Variants in ADGRL3 observed in about 807,000 individuals in gnomAD.
ADGRL3 encodes calcium-independent alpha-latrotoxin receptor 3.
ADGRL3 carries 62 observed loss-of-function variants against 153.5 expected under a neutral mutation model. That is an observed-to-expected ratio of 0.40 (90% CI 0.33 to 0.50). The LOEUF is 0.50. ADGRL3 is among the 20% of genes least tolerant of loss of function. The probability of loss-of-function intolerance (pLI) is 0.47; values close to 1 mark genes in which losing one functional copy is unlikely to be tolerated. For synonymous variants in ADGRL3, 710 were observed against 672.5 expected (o/e 1.06, Z -0.86); for missense variants, 1,641 against 1,859.4 (o/e 0.88, Z 2.16).
chr4:61,646,064 C>A lies in ADGRL3; in HGVS notation c.474-30762C>A, dbSNP rs556227903. On this transcript the variant is annotated intron_variant, in intron 5 of 26. Transcript: ENST00000683033. ...TCTTCCATCGCTGATACCCTTTCTC[C>A]AGTTGATGGCATCGGCTCCTGAGGC... is the stretch of plus-strand genomic sequence containing the variant. 2.1e-4 allele frequency among the ~76,000 whole-genome samples: 32 copies of A among 152,280 alleles called. 1 individual carries two copies. The South Asian group carries it at 6.2e-3, about 30-fold the overall frequency.
intron 1 of ADGRL3, among the ~76,000 whole-genome samples, chr4:61,277,506 G>T (rs1283436747): frequency 6.6e-6 from 1 of 151,562 alleles, no homozygotes; most frequent in Admixed American, 6.6e-5. Flanking sequence ...TTTGGTCAAG[G>T]TTTAAATAAA....
chr4:61,393,169 C>T (rs1327782020), intron 2 of ADGRL3, among the ~76,000 whole-genome samples: 1 of 152,000 alleles, frequency 6.6e-6, no homozygotes, highest in Non-Finnish European at 1.5e-5. Flanking sequence ...CATAAATGAC[C>T]TTCTTGATCT....
At chr4:62,029,030 A>G in intron 22 of ADGRL3, 149 bp downstream of exon 22, 1 of 667,398 alleles carries the variant, frequency 1.5e-6, no homozygotes, top group East Asian at 3.0e-5. Context: ...TCTGGCATAC[A>G]ACCTATATGC....
intron 1 of ADGRL3, among the ~76,000 whole-genome samples, chr4:61,266,221 C>T (rs2092836637): frequency 1.3e-5 from 2 of 151,746 alleles, no homozygotes; most frequent in African/African-American, 4.8e-5. Context: ...GGTCCGTATT[C>T]TAAAGGTTTT....
chr4:61,848,357 C>G (rs2098162388), intron 9 of ADGRL3, among the ~76,000 whole-genome samples: 1 of 151,276 alleles, frequency 6.6e-6, no homozygotes, highest in Admixed American at 6.7e-5. Flanking sequence ...TTCTTTACCT[C>G]TTCCAGTGTC....
rs763505931 is a variant in ADGRL3, at chr4:61,520,682, G to GTGTGTGTGTC, written c.259+3167_259+3168insGTGTGTCTGT. ...TGTGTGTGTGTGTGTGTGTGTGTGT[G>GTGTGTGTGTC]TGTCTGTCTGTCTGTCTGTCTGAGG... is the stretch of plus-strand genomic sequence containing the variant. On this transcript the variant is annotated intron_variant, in intron 4 of 26. Transcript: ENST00000683033. 1.5e-3 allele frequency among the ~76,000 whole-genome samples: 188 copies of GTGTGTGTGTC among 123,562 alleles called. 4 individuals carry two copies. Among genetic ancestry groups the GTGTGTGTGTC allele is most frequent in the East Asian group, 4.0e-3 (15 of 3,780 alleles). 81.1% of individuals were successfully genotyped at this position (123,562 alleles called of 152,430 possible). A position where few individuals can be genotyped will look rare whatever the true frequency, so the allele number is the denominator to read the frequency against.
intron 1 of ADGRL3, among the ~76,000 whole-genome samples, chr4:61,318,176 A>T (rs2095268321): frequency 7.4e-6 from 1 of 134,754 alleles, no homozygotes; most frequent in Admixed American, 7.9e-5. Context: ...CCTGGGTGAT[A>T]GAGTGAGAAC....
At chr4:61,479,491 T>TA (rs2098108578) in intron 2 of ADGRL3, among the ~76,000 whole-genome samples, 1 of 152,090 alleles carries the variant, frequency 6.6e-6, no homozygotes, top group South Asian at 2.1e-4. Flanking sequence ...TGCCCACTGA[T>TA]AGGAATGATT....
Position 62,071,654 on chromosome 4 carries a change from T to C in ADGRL3, c.*746T>C, listed in dbSNP as rs1431210133. ...ATGTAGTAGAAAAAAAAAAAAGAAA[T>C]TTTCTTTTTCTTTTGTGCTGGTCTT... On this transcript the variant is annotated 3_prime_UTR_variant, in exon 27 of 27. Transcript: ENST00000683033. 2.7e-6 allele frequency: 1 copy of C among 377,282 alleles called. No individual in the cohort carries two copies. The highest frequency in any genetic ancestry group is 8.0e-5 in the East Asian group (1 of 12,566). 23.4% of individuals were successfully genotyped at this position (377,282 alleles called of 1,614,324 possible).
At chr4:62,066,345 C>T (rs776536706) in intron 25 of ADGRL3, among the ~76,000 whole-genome samples, 40 of 152,026 alleles carry the variant, frequency 2.6e-4, no homozygotes, top group Non-Finnish European at 3.7e-4. Context: ...GCTATCCAAG[C>T]ATAGAAGCAT....
intron 8 of ADGRL3, among the ~76,000 whole-genome samples, chr4:61,756,620 T>C (rs6852161): frequency 0.44 from 67,256 of 151,446 alleles, 15,212 homozygotes; most frequent in East Asian, 0.63. Context: ...TTTCTTTCTC[T>C]TGCCTGATTG....
chr4:62,060,090 A>G (rs1359193807), intron 25 of ADGRL3, among the ~76,000 whole-genome samples: 1 of 152,026 alleles, frequency 6.6e-6, no homozygotes, highest in African/African-American at 2.4e-5. Flanking sequence ...AATAAACTGA[A>G]TGATAAACAC....
At chr4:61,626,850 T>C (rs1363981027) in intron 5 of ADGRL3, among the ~76,000 whole-genome samples, 1 of 152,132 alleles carries the variant, frequency 6.6e-6, no homozygotes, top group Non-Finnish European at 1.5e-5. Context: ...TGTAATATAC[T>C]ACTCAGACGC....
chr4:61,278,000 G>A (rs1195840703), intron 1 of ADGRL3, among the ~76,000 whole-genome samples: 1 of 152,138 alleles, frequency 6.6e-6, no homozygotes, highest in African/African-American at 2.4e-5. Context: ...CCATTGTAAG[G>A]CTTTGTGACT....
At chr4:61,838,230 C>T (rs888552274) in intron 9 of ADGRL3, among the ~76,000 whole-genome samples, 1 of 152,012 alleles carries the variant, frequency 6.6e-6, no homozygotes, top group Non-Finnish European at 1.5e-5. Flanking sequence ...ACCACTTTGA[C>T]CATTTCATTG....
intron 8 of ADGRL3, among the ~76,000 whole-genome samples, chr4:61,808,758 C>T (rs73823240): frequency 0.053 from 7,900 of 148,106 alleles, 351 homozygotes; most frequent in African/African-American, 0.12. Flanking sequence ...TTGTTTGTTT[C>T]AGCAGTAGAG....
intron 8 of ADGRL3, among the ~76,000 whole-genome samples, chr4:61,751,515 T>C (rs2152063525): frequency 6.6e-6 from 1 of 152,272 alleles, no homozygotes; most frequent in East Asian, 1.9e-4. Context: ...TGAAATACTT[T>C]GTGCTTTCAG....
chr4:61,371,948 C>G (rs2096535962), intron 1 of ADGRL3, among the ~76,000 whole-genome samples: 1 of 152,098 alleles, frequency 6.6e-6, no homozygotes, highest in Admixed American at 6.5e-5. Context: ...TCTTTTTTCT[C>G]TAAACTTCCG....
chr4:61,744,339 T>C (rs1421074781), intron 8 of ADGRL3, among the ~76,000 whole-genome samples: 1 of 152,072 alleles, frequency 6.6e-6, no homozygotes, highest in Non-Finnish European at 1.5e-5. Flanking sequence ...GTGTCCCTGT[T>C]TAAGAGCTTT....
Sources: allele counts gnomAD v4.1 joint callset (sites outside exome capture counted in the v4.1 genomes callset), GRCh38; gene constraint gnomAD v4.1.1; transcripts MANE v1.5; gene names NCBI Gene and HGNC (gene_info 2026-07-23, HGNC 2026-07-21).